GRAP2: variants seen among roughly 807,000 people sequenced by gnomAD.
The protein encoded by GRAP2 is GRB2 related adaptor protein 2.
In GRAP2, 31 loss-of-function variants were observed where a neutral mutation model predicts 43.5. That is an observed-to-expected ratio of 0.71 (90% confidence interval 0.54 to 0.96). The LOEUF (loss-of-function observed/expected upper bound fraction) is 0.96, where lower values mean the gene tolerates loss of function less well. Among genes scored for constraint, GRAP2 ranks in the 40% least tolerant of loss-of-function variants. The pLI, the probability that GRAP2 is intolerant of heterozygous loss-of-function variation, is 0.00. For synonymous variants in GRAP2, 156 were observed against 164.8 expected (o/e 0.95, Z 0.41); for missense variants, 371 against 424.4 (o/e 0.87, Z 1.11).
At chr22:39,947,233 A>T (rs1224166803) in intron 2 of GRAP2, 49 bp downstream of exon 2, 1 of 860,388 alleles carries the variant, frequency 1.2e-6, no homozygotes, top group Non-Finnish European at 2.0e-6. Context: ...TCAGTTACTC[A>T]GTAATCTGAC....
At chr22:39,968,480 C>T in intron 6 of GRAP2, 1 of 553,588 alleles carries the variant, frequency 1.8e-6, no homozygotes, top group Non-Finnish European at 3.2e-6. Flanking sequence ...CACACACACA[C>T]TGTCTCACAC....
At chr22:39,899,710 C>T (rs1205317776), upstream of GRAP2, among the ~76,000 whole-genome samples, 1 of 152,060 alleles carries the variant, frequency 6.6e-6, no homozygotes, top group East Asian at 1.9e-4. Context: ...GGGCCGGGTG[C>T]GGTGGCTCAT....
At chr22:39,967,539 C>T (rs1020972195) in intron 5 of GRAP2, among the ~76,000 whole-genome samples, 10 of 152,270 alleles carry the variant, frequency 6.6e-5, no homozygotes, top group Admixed American at 5.9e-4. Context: ...TTACTTCTTC[C>T]CCCACGTCCA....
At chr22:39,924,072 A>G (rs2066677180) in intron 1 of GRAP2, among the ~76,000 whole-genome samples, 1 of 152,212 alleles carries the variant, frequency 6.6e-6, no homozygotes, top group African/African-American at 2.4e-5. Flanking sequence ...ACGTTAAACC[A>G]TCTCTACTTT....
chr22:39,962,382 A>G (rs1272401778), intron 4 of GRAP2, among the ~76,000 whole-genome samples: 1 of 152,148 alleles, frequency 6.6e-6, no homozygotes, highest in Admixed American at 6.5e-5. Context: ...GATCGATCGC[A>G]CCACTGCACT....
At chr22:39,961,948 A>G (rs2067123974) in intron 4 of GRAP2, among the ~76,000 whole-genome samples, 1 of 152,276 alleles carries the variant, frequency 6.6e-6, no homozygotes, top group Admixed American at 6.5e-5. Context: ...GTATGCATAC[A>G]TACCTTTAAA....
chr22:39,957,540 A>G (rs1016848645), intron 3 of GRAP2, among the ~76,000 whole-genome samples: 2 of 151,972 alleles, frequency 1.3e-5, no homozygotes, highest in Non-Finnish European at 2.9e-5. Context: ...TCTCTCTTCC[A>G]CGTCAACCTC....
chr22:39,922,187 A>G (rs1007627825), intron 1 of GRAP2, among the ~76,000 whole-genome samples: 5 of 152,232 alleles, frequency 3.3e-5, no homozygotes, highest in African/African-American at 9.6e-5. Context: ...GAGAGAGAAG[A>G]CACACAAGCA....
rs759344945 is a variant in GRAP2, at chr22:39,968,233, C to G, written c.651C>G (p.Pro217=). ...YAPAPQQLQQ[P]PQQRYLQHHH... ...CAGCGCCCCAGCAGCTGCAGCAGCC[C>G]CCACAGCAGCGATATCTGCAGCACC... is the stretch of plus-strand genomic sequence containing the variant. The change falls in exon 6 of 8, where the codon CCC becomes CCG. Residue 217 remains proline, a synonymous_variant. Coordinates refer to ENST00000344138, the MANE Select transcript of GRAP2 (RefSeq NM_004810.4). 6 of 1,602,588 alleles carry G rather than the reference C, an allele frequency of 3.7e-6. No individual in the cohort carries two copies. In the African/African-American group the frequency reaches 6.7e-5, roughly 18 times the overall value.
At chr22:39,906,023 A>C (rs561067461) in intron 1 of GRAP2, among the ~76,000 whole-genome samples, 14 of 152,364 alleles carry the variant, frequency 9.2e-5, no homozygotes, top group Admixed American at 6.5e-4. Context: ...GGCTCTGTAC[A>C]AGAAACCTTG....
In GRAP2 at chr22:39,958,258, C is replaced by A. The variant is rs562599012; in HGVS notation, c.171-1797C>A. 7.9e-5 allele frequency among the ~76,000 whole-genome samples: 12 copies of A among 152,276 alleles called. No homozygotes were observed. The South Asian group carries it at 2.5e-3, about 32-fold the overall frequency. ...TTGGTTCCTCCCACTCCCCAGTCCC[C>A]TATAGGTTTAGAATGTCTCCTTTTC... On this transcript the variant is annotated intron_variant, in intron 3 of 7. Coordinates refer to ENST00000344138, the MANE Select transcript of GRAP2 (RefSeq NM_004810.4).
chr22:39,903,377 C>T (rs1017178053), intron 1 of GRAP2, among the ~76,000 whole-genome samples: 5 of 151,570 alleles, frequency 3.3e-5, no homozygotes, highest in African/African-American at 2.4e-5. Flanking sequence ...TGGCTGGGCG[C>T]GGTGGCTCAT....
chr22:39,960,761 TA>T (rs1342602242), intron 4 of GRAP2: 1 of 152,490 alleles, frequency 6.6e-6, no homozygotes, highest in Non-Finnish European at 1.5e-5. Flanking sequence ...TGGACACATT[TA>T]TTTAATCAAA....
chr22:39,936,154 G>T (rs920201438), intron 1 of GRAP2, among the ~76,000 whole-genome samples: 12 of 152,180 alleles, frequency 7.9e-5, no homozygotes, highest in Non-Finnish European at 1.6e-4. Context: ...ATGTCTGTCT[G>T]TCTGTCTGTC....
chr22:39,934,828 G>A (rs962617266), intron 1 of GRAP2, among the ~76,000 whole-genome samples: 1 of 151,936 alleles, frequency 6.6e-6, no homozygotes, highest in African/African-American at 2.4e-5. Context: ...CCATGATCAC[G>A]CCACTGCACT....
chr22:39,921,234 C>G (rs2066649205), intron 1 of GRAP2, among the ~76,000 whole-genome samples: 2 of 152,172 alleles, frequency 1.3e-5, no homozygotes, highest in African/African-American at 2.4e-5. Flanking sequence ...AATTTCAGCT[C>G]TATGGTTTCT....
chr22:39,969,560 C>G (rs761941194), intron 7 of GRAP2, 27 bp downstream of exon 7: 1 of 1,612,132 alleles, frequency 6.2e-7, no homozygotes, highest in African/African-American at 1.3e-5. Context: ...TCTCTGGGAT[C>G]CCTGGGGAAA....
chr22:39,920,962 AC>A (rs2066645456), intron 1 of GRAP2, among the ~76,000 whole-genome samples: 2 of 150,206 alleles, frequency 1.3e-5, no homozygotes, highest in African/African-American at 5.0e-5. Flanking sequence ...ACACACACAC[AC>A]ACACACACAC....
At chr22:39,920,047 A>G (rs2066635792) in intron 1 of GRAP2, among the ~76,000 whole-genome samples, 1 of 152,208 alleles carries the variant, frequency 6.6e-6, no homozygotes, top group African/African-American at 2.4e-5. Flanking sequence ...TCAAAAAAGC[A>G]AGTGCTTTTC....
Sources: allele counts gnomAD v4.1 joint callset (sites outside exome capture counted in the v4.1 genomes callset), GRCh38; gene constraint gnomAD v4.1.1; transcripts MANE v1.5; gene names NCBI Gene and HGNC (gene_info 2026-07-23, HGNC 2026-07-21).